Variants in CA5A observed in about 807,000 individuals in gnomAD.
CA5A encodes the protein carbonic anhydrase 5A, also known as carbonic anhydrase 5A, mitochondrial.
A neutral mutation model predicts 37.1 loss-of-function variants in CA5A; 28 were observed. The ratio of observed to expected loss-of-function variants is 0.75; its 90% CI spans 0.56 to 1.03. The LOEUF (loss-of-function observed/expected upper bound fraction) is 1.03, where lower values mean the gene tolerates loss of function less well. CA5A is among the 50% of genes least tolerant of loss of function. CA5A has a pLI of 0.00. For synonymous variants in CA5A, 171 were observed against 158.4 expected (o/e 1.08, Z -0.60); for missense variants, 444 against 399.9 (o/e 1.11, Z -0.94).
At position 87,925,001 on chromosome 16, in the gene CA5A, G is replaced by A. The variant is rs546152387; in HGVS notation, c.340+1747C>T. 1.1e-3 allele frequency among the ~76,000 whole-genome samples: 163 copies of A among 152,324 alleles called. 1 individual carries two copies. Among genetic ancestry groups the A allele is most frequent in the African/African-American group, 3.6e-3 (150 of 41,570 alleles). On this transcript the variant is annotated intron_variant, in intron 2 of 6. Transcript: ENST00000649794. ...TTTATGCCTTCAACTCTGTTCATCC[G>A]TCAATTTGCTGAGTGCCTAGGAGGC...
chr16:87,914,442 G>A (rs1317405352), intron 2 of CA5A, among the ~76,000 whole-genome samples: 3 of 152,148 alleles, frequency 2.0e-5, no homozygotes, highest in Non-Finnish European at 1.5e-5. Context: ...GTGCAGATGC[G>A]GACCCCCAGC....
intron 1 of CA5A, among the ~76,000 whole-genome samples, chr16:87,932,719 C>A (rs1490940189): frequency 6.6e-6 from 1 of 152,040 alleles, no homozygotes; most frequent in Non-Finnish European, 1.5e-5. Flanking sequence ...CCCAGGAGGC[C>A]AGTATTTGCC....
rs769040032 is a variant in CA5A at position 87,902,467 on chromosome 16, G to C, written c.513C>G (p.Val171=). The C allele has an allele frequency of 1.4e-5, 23 of 1,612,106 alleles. No homozygotes were observed. In the Admixed American group the frequency reaches 3.3e-4, roughly 23 times the overall value. Reference sequence around the variant, plus strand: ...TCACAGCCAAACCATTCTCTCCCACGACAGCTTCCTTGTAATTTTGGTATT... The same window carrying C: ...TCACAGCCAAACCATTCTCTCCCACCACAGCTTCCTTGTAATTTTGGTATT... ...SVKYQNYKEA[V]VGENGLAVIG... The change falls in exon 4 of 7, where the codon GTC becomes GTG. Residue 171 remains valine (V), a synonymous_variant. Transcript: ENST00000649794.
At chr16:87,889,187 G>A (rs1298281090) in intron 6 of CA5A, among the ~76,000 whole-genome samples, 3 of 152,050 alleles carry the variant, frequency 2.0e-5, no homozygotes, top group Admixed American at 6.6e-5. Context: ...CCAAAGTACT[G>A]GGATTATAGG....
In CA5A at chr16:87,929,866, C is replaced by T. The variant is rs555524799; in HGVS notation, c.143-2921G>A. Among the ~76,000 whole-genome samples the T allele has an allele frequency of 5.2e-3, 365 of 69,852 alleles. 4 individuals are homozygous for T. The highest frequency in any genetic ancestry group is 0.026 in the African/African-American group (338 of 12,912). The allele number at this position is 69,852 out of a possible 152,430, so 45.8% of individuals were successfully genotyped here. ...CAGCCTGGGCAATACAGCGAGACTC[C>T]GTCTCAAAAAAAAAAAAAAAAAAAA... On this transcript the variant is annotated intron_variant, in intron 1 of 6. Coordinates refer to ENST00000649794, the MANE Select transcript of CA5A (RefSeq NM_001739.2).
intron 2 of CA5A, among the ~76,000 whole-genome samples, chr16:87,924,741 C>A (rs374259407): frequency 6.6e-6 from 1 of 152,244 alleles, no homozygotes; most frequent in Non-Finnish European, 1.5e-5. Flanking sequence ...ATGCTGCCTC[C>A]GCATGCACAG....
intron 1 of CA5A, among the ~76,000 whole-genome samples, chr16:87,929,714 T>C (rs572037685): frequency 1.3e-3 from 200 of 149,392 alleles, no homozygotes; most frequent in African/African-American, 4.6e-3. Flanking sequence ...CTACTAAAAA[T>C]ACAAAAAATT....
At chr16:87,924,439 C>T in intron 2 of CA5A, 3 of 444,468 alleles carry the variant, frequency 6.7e-6, no homozygotes, top group Non-Finnish European at 8.9e-6. Context: ...CTGCCCCCAA[C>T]AGCAGGTGCA....
intron 5 of CA5A, among the ~76,000 whole-genome samples, chr16:87,896,323 T>C (rs1411885162): frequency 3.9e-5 from 6 of 152,170 alleles, no homozygotes; most frequent in Non-Finnish European, 8.8e-5. Flanking sequence ...CTTTCTGCCT[T>C]GGGCTGAGAA....
chr16:87,887,597 T>A (rs902757965), downstream of CA5A: 1 of 152,592 alleles, frequency 6.6e-6, no homozygotes, highest in Non-Finnish European at 1.5e-5. Flanking sequence ...GTGTTTTTTA[T>A]AGAGATGGGG....
chr16:87,925,336 G>A (rs917245962), intron 2 of CA5A, among the ~76,000 whole-genome samples: 1 of 152,178 alleles, frequency 6.6e-6, no homozygotes, highest in African/African-American at 2.4e-5. Context: ...GAGGGCCCCA[G>A]GCAGGAGCTT....
intron 1 of CA5A, among the ~76,000 whole-genome samples, chr16:87,929,894 A>AAAAAAAAAAAAAAC (rs2056378355): frequency 6.6e-6 from 1 of 151,444 alleles, no homozygotes; most frequent in Non-Finnish European, 1.5e-5. Flanking sequence ...AAAAAAAAAA[A>AAAAAAAAAAAAAAC]AATAAGTAAA....
Position 87,927,046 on chromosome 16 carries a change from T to C in CA5A, c.143-101A>G, listed in dbSNP as rs1207738361. On this transcript the variant is annotated intron_variant, in intron 1 of 6. Transcript: ENST00000649794. ...CGGCCGCACGAGACCCCTCACGTCC[T>C]GGCTCATGGGAAACTGACCCACGGG... The C allele has an allele frequency of 1.8e-4, 148 of 831,402 alleles. 1 individual carries two copies. In the East Asian group the frequency reaches 3.9e-3, roughly 22 times the overall value. The allele number at this position is 831,402 out of a possible 1,614,324, so 51.5% of individuals were successfully genotyped here.
chr16:87,923,566 T>C (rs956897241), intron 2 of CA5A: 5 of 985,296 alleles, frequency 5.1e-6, no homozygotes, highest in Non-Finnish European at 6.0e-6. Context: ...TGGGGCCCCC[T>C]GTTCCCCACT....
At chr16:87,932,774 G>T (rs549757156) in intron 1 of CA5A, among the ~76,000 whole-genome samples, 4 of 152,130 alleles carry the variant, frequency 2.6e-5, no homozygotes, top group African/African-American at 7.2e-5. Context: ...CCATCTCCCC[G>T]ATGCATTCTC....
intron 2 of CA5A, among the ~76,000 whole-genome samples, chr16:87,910,189 G>A (rs910784836): frequency 3.9e-5 from 6 of 152,230 alleles, no homozygotes; most frequent in Admixed American, 1.3e-4. Context: ...AGGTTCTGCC[G>A]TGTCCCGGGC....
intron 2 of CA5A, among the ~76,000 whole-genome samples, chr16:87,919,800 G>T (rs1275137556): frequency 6.6e-6 from 1 of 152,186 alleles, no homozygotes; most frequent in Admixed American, 6.5e-5. Context: ...GAAGGCAGGG[G>T]GCAGCGGCGG....
intron 2 of CA5A, among the ~76,000 whole-genome samples, chr16:87,921,657 C>A (rs2056231745): frequency 6.6e-6 from 1 of 152,122 alleles, no homozygotes; most frequent in Admixed American, 6.6e-5. Flanking sequence ...GGGCTCGCTC[C>A]CAAGGAAAAC....
chr16:87,894,117 T>G (rs1027353911), intron 5 of CA5A, among the ~76,000 whole-genome samples: 1 of 152,138 alleles, frequency 6.6e-6, no homozygotes, highest in African/African-American at 2.4e-5. Flanking sequence ...GTAGTTCTAT[T>G]TATAACTTTT....
Sources: allele counts gnomAD v4.1 joint callset (sites outside exome capture counted in the v4.1 genomes callset), GRCh38; gene constraint gnomAD v4.1.1; transcripts MANE v1.5; gene names NCBI Gene and HGNC (gene_info 2026-07-23, HGNC 2026-07-21).